Variants in HPSE2 observed in about 807,000 individuals in gnomAD.
HPSE2 encodes inactive heparanase-2.
In HPSE2, 38 loss-of-function variants were observed where a neutral mutation model predicts 60.5. That is an observed-to-expected ratio of 0.63 (90% CI 0.48 to 0.82). The LOEUF is 0.82. Among genes scored for constraint, HPSE2 ranks in the 40% least tolerant of loss-of-function variants. HPSE2 has a pLI of 0.00. For synonymous variants in HPSE2, 295 were observed against 293.2 expected (o/e 1.01, Z -0.06); for missense variants, 713 against 740.4 (o/e 0.96, Z 0.43).
In HPSE2 at chr10:98,937,799, G is replaced by A. The variant is rs910080731; in HGVS notation, c.611-193743C>T. ...AGACTGCCTCCTCAAGTGGGTCCCTGACCCCTGACCCCCAAGCAGCCTAAC... is the reference window on the plus strand; with the variant it reads ...AGACTGCCTCCTCAAGTGGGTCCCTAACCCCTGACCCCCAAGCAGCCTAAC... On this transcript the variant is annotated intron_variant, in intron 3 of 11. Coordinates refer to ENST00000370552, the MANE Select transcript of HPSE2 (RefSeq NM_021828.5). Among the ~76,000 whole-genome samples the A allele has an allele frequency of 1.2e-3, 174 of 142,696 alleles. 28 individuals carry two copies. The highest frequency in any genetic ancestry group is 4.8e-3 in the African/African-American group (168 of 34,748). 93.6% of individuals were successfully genotyped at this position (142,696 alleles called of 152,430 possible). A position where few individuals can be genotyped will look rare whatever the true frequency, so the allele number is the denominator to read the frequency against.
intron 3 of HPSE2, among the ~76,000 whole-genome samples, chr10:99,139,338 C>T (rs7084942): frequency 0.037 from 5,553 of 152,120 alleles, 304 homozygotes; most frequent in African/African-American, 0.11. Flanking sequence ...GTAGAATGTA[C>T]ACTACTCAAG....
chr10:98,575,377 T>C (rs1337537275), intron 9 of HPSE2, among the ~76,000 whole-genome samples: 1 of 152,220 alleles, frequency 6.6e-6, no homozygotes, highest in Non-Finnish European at 1.5e-5. Context: ...ACAGCCAAGT[T>C]GGAATGTCAC....
At chr10:98,595,503 A>C (rs12261663) in intron 9 of HPSE2, among the ~76,000 whole-genome samples, 16,060 of 152,100 alleles carry the variant, frequency 0.11, 1,428 homozygotes, top group African/African-American at 0.25. Flanking sequence ...TTTTTCAGAT[A>C]GTTTCTTGTT....
intron 11 of HPSE2, among the ~76,000 whole-genome samples, chr10:98,467,985 G>A (rs1940617853): frequency 6.6e-6 from 1 of 152,222 alleles, no homozygotes; most frequent in Non-Finnish European, 1.5e-5. Flanking sequence ...GGGCTCTCCC[G>A]GGCTCCGGGT....
chr10:98,971,367 T>G (rs1955947701), intron 3 of HPSE2, among the ~76,000 whole-genome samples: 1 of 151,082 alleles, frequency 6.6e-6, no homozygotes, highest in South Asian at 2.1e-4. Context: ...TTAATGACAC[T>G]TCATCATCAT....
intron 2 of HPSE2, among the ~76,000 whole-genome samples, chr10:99,172,662 G>C (rs1589770773): frequency 6.6e-6 from 1 of 152,300 alleles, no homozygotes; most frequent in East Asian, 1.9e-4. Context: ...GGGATCACCT[G>C]AGGTCAGAAG....
intron 5 of HPSE2, among the ~76,000 whole-genome samples, chr10:98,695,945 A>G (rs994007706): frequency 6.6e-6 from 1 of 152,180 alleles, no homozygotes; most frequent in Non-Finnish European, 1.5e-5. Context: ...TAGAAGGAAA[A>G]TTGAAAAATA....
At chr10:98,510,592 C>T (rs1009272996) in intron 9 of HPSE2, among the ~76,000 whole-genome samples, 1 of 152,224 alleles carries the variant, frequency 6.6e-6, no homozygotes, top group Non-Finnish European at 1.5e-5. Flanking sequence ...TTTGATGATA[C>T]ACTACAGAGC....
chr10:98,580,945 T>C (rs1051459571), intron 9 of HPSE2, among the ~76,000 whole-genome samples: 1 of 150,764 alleles, frequency 6.6e-6, no homozygotes, highest in African/African-American at 2.4e-5. Context: ...TTATTCATCT[T>C]TCTTTTTTTT....
intron 3 of HPSE2, among the ~76,000 whole-genome samples, chr10:98,841,305 T>C (rs151037150): frequency 8.0e-4 from 122 of 152,292 alleles, no homozygotes; most frequent in Admixed American, 2.5e-3. Flanking sequence ...CATTTACCTA[T>C]ATGGTTCTTC....
At chr10:99,249,256 G>A in the HPSE2 span, among the ~76,000 whole-genome samples, 2 of 152,230 alleles carry the variant, frequency 1.3e-5, no homozygotes, top group Admixed American at 6.5e-5. Flanking sequence ...AGCCATGGGA[G>A]CTGAGCCCTG....
chr10:99,043,073 G>A (rs1957776450), intron 3 of HPSE2, among the ~76,000 whole-genome samples: 1 of 152,128 alleles, frequency 6.6e-6, no homozygotes, highest in Admixed American at 6.5e-5. Flanking sequence ...TTACACCACA[G>A]TTAAAGGGAC....
upstream of HPSE2, among the ~76,000 whole-genome samples, chr10:99,239,221 C>T (rs2133962163): frequency 6.6e-6 from 1 of 151,970 alleles, no homozygotes; most frequent in African/African-American, 2.4e-5. Context: ...GAACTAGATG[C>T]ACTGATGTCT....
chr10:98,897,687 C>T (rs186157659), intron 3 of HPSE2, among the ~76,000 whole-genome samples: 1 of 152,016 alleles, frequency 6.6e-6, no homozygotes, highest in Non-Finnish European at 1.5e-5. Context: ...ATCTCATACC[C>T]TTCACAAAAA....
Position 99,126,273 on chromosome 10 carries a change from A to G in HPSE2, c.610+17965T>C, listed in dbSNP as rs1331423783. Among the ~76,000 whole-genome samples the G allele has an allele frequency of 2.0e-5, 3 of 152,098 alleles. No homozygotes were observed. The highest frequency in any genetic ancestry group is 4.4e-5 in the Non-Finnish European group (3 of 68,014). On this transcript the variant is annotated intron_variant, in intron 3 of 11. Coordinates refer to ENST00000370552, the MANE Select transcript of HPSE2 (RefSeq NM_021828.5). The surrounding 1 kb of genome is among the most constrained non-coding windows in gnomAD (Gnocchi z 4.0). ...ATATAACCCCATTGGCCTGAGAACC[A>G]CAACCAATCCCCCACAGTGGCCGCA...
chr10:98,938,424 G>A (rs182794157), intron 3 of HPSE2, among the ~76,000 whole-genome samples: 1,556 of 144,420 alleles, frequency 0.011, 163 homozygotes, highest in Non-Finnish European at 0.016. Flanking sequence ...GCCAAGGCTC[G>A]AGAACTACGT....
intron 6 of HPSE2, among the ~76,000 whole-genome samples, chr10:98,648,334 C>T (rs1946829267): frequency 6.6e-6 from 1 of 152,112 alleles, no homozygotes; most frequent in Admixed American, 6.5e-5. Context: ...GCAGCTTCAG[C>T]CATTGGAGCA....
chr10:98,816,928 A>G (rs1439218367), intron 3 of HPSE2, among the ~76,000 whole-genome samples: 1 of 152,066 alleles, frequency 6.6e-6, no homozygotes. Context: ...CAGGACCTGA[A>G]GTAATCTTAC....
chr10:98,483,391 C>T (rs1297578786), intron 10 of HPSE2, among the ~76,000 whole-genome samples: 1 of 152,026 alleles, frequency 6.6e-6, no homozygotes, highest in African/African-American at 2.4e-5. Context: ...TTAACTAATC[C>T]CCTATGTTTG....
Sources: gnomAD v4.1 joint callset for allele counts (sites outside exome capture counted in the v4.1 genomes callset) on GRCh38, gnomAD v4.1.1 for gene constraint, Gnocchi (gnomAD v3.1) non-coding constraint, MANE v1.5 for transcripts, NCBI Gene and HGNC (gene_info 2026-07-23, HGNC 2026-07-21) for gene names.